The following PPFIA2 variants were observed in gnomAD, a reference collection of about 807,000 sequenced individuals.
PPFIA2 encodes PPFI scaffold protein A2, also known as liprin-alpha-2.
PPFIA2 carries 46 observed loss-of-function variants against 175.5 expected under a neutral mutation model. That is an observed-to-expected ratio of 0.26 (90% CI 0.21 to 0.34). The LOEUF (loss-of-function observed/expected upper bound fraction) is 0.34. Among genes scored for constraint, PPFIA2 ranks in the 10% least tolerant of loss-of-function variants. PPFIA2 has a pLI of 1.00. For missense variants in PPFIA2, 1,179 were observed against 1,506.1 expected, an observed-to-expected ratio of 0.78 and a Z score of 3.60; for synonymous variants, 568 against 511.4, an observed-to-expected ratio of 1.11 and a Z score of -1.49.
At chr12:81,679,736 T>C (rs1353721724) in intron 3 of PPFIA2, among the ~76,000 whole-genome samples, 4 of 151,976 alleles carry the variant, frequency 2.6e-5, no homozygotes, top group African/African-American at 9.7e-5. Flanking sequence ...TGAGTTCATG[T>C]TCTATTTTGA....
At chr12:81,553,190 AG>A (rs1487125146) in intron 4 of PPFIA2, among the ~76,000 whole-genome samples, 7 of 152,054 alleles carry the variant, frequency 4.6e-5, no homozygotes, top group African/African-American at 1.7e-4. Context: ...AAGAATGAAT[AG>A]GATTTAGCCA....
At chr12:81,501,916 T>C (rs1262147924) in intron 4 of PPFIA2, among the ~76,000 whole-genome samples, 2 of 152,136 alleles carry the variant, frequency 1.3e-5, no homozygotes, top group Non-Finnish European at 2.9e-5. Context: ...CTAGGAGATA[T>C]TAATGTGGCT....
At chr12:81,496,501 T>C (rs2060040531) in intron 4 of PPFIA2, among the ~76,000 whole-genome samples, 1 of 152,140 alleles carries the variant, frequency 6.6e-6, no homozygotes, top group African/African-American at 2.4e-5. Context: ...CTGAAGACTT[T>C]AGGAGTGATA....
intron 5 of PPFIA2, among the ~76,000 whole-genome samples, chr12:81,449,206 C>G (rs1480063230): frequency 6.6e-6 from 1 of 152,156 alleles, no homozygotes; most frequent in Non-Finnish European, 1.5e-5. Context: ...ACGATTAAGA[C>G]TGATGGAGAC....
intron 21 of PPFIA2, 106 bp from the exon 22 acceptor site, chr12:81,325,976 T>C (rs2054677000): frequency 1.3e-6 from 1 of 760,468 alleles, no homozygotes; most frequent in Non-Finnish European, 2.2e-6. Context: ...GTATCACATT[T>C]AAAAATTTTC....
intron 5 of PPFIA2, among the ~76,000 whole-genome samples, chr12:81,448,125 G>A (rs1015105190): frequency 6.6e-6 from 1 of 151,872 alleles, no homozygotes; most frequent in Non-Finnish European, 1.5e-5. Flanking sequence ...CCACCCTCTA[G>A]GAAAAGAAAC....
chr12:81,551,544 T>C (rs1168036523), intron 4 of PPFIA2, among the ~76,000 whole-genome samples: 2 of 151,980 alleles, frequency 1.3e-5, no homozygotes, highest in East Asian at 3.9e-4. Flanking sequence ...TTAGATATTA[T>C]AAGCAATCTA....
intron 21 of PPFIA2, among the ~76,000 whole-genome samples, chr12:81,334,973 C>A (rs2056859109): frequency 6.6e-6 from 1 of 152,170 alleles, no homozygotes; most frequent in African/African-American, 2.4e-5. Context: ...ATTGCTTTGA[C>A]AGTACACAGC....
intron 4 of PPFIA2, among the ~76,000 whole-genome samples, chr12:81,533,728 T>TATCTATC (rs1486873253): frequency 1.3e-5 from 1 of 74,394 alleles, no homozygotes; most frequent in East Asian, 3.8e-4. Context: ...TCTATCTATC[T>TATCTATC]ATCTATCTAT....
At chr12:81,509,856 C>A (rs977748953) in intron 4 of PPFIA2, among the ~76,000 whole-genome samples, 1 of 152,246 alleles carries the variant, frequency 6.6e-6, no homozygotes, top group Non-Finnish European at 1.5e-5. Flanking sequence ...GAGAACTCAA[C>A]CTTGCCTTTC....
intron 4 of PPFIA2, among the ~76,000 whole-genome samples, chr12:81,509,661 T>C (rs555317799): frequency 1.3e-5 from 2 of 151,986 alleles, no homozygotes; most frequent in South Asian, 4.2e-4. Flanking sequence ...CTATATAAAG[T>C]CTGTCCCCAT....
At chr12:81,650,358 T>C (rs757141467) in intron 4 of PPFIA2, among the ~76,000 whole-genome samples, 1 of 152,176 alleles carries the variant, frequency 6.6e-6, no homozygotes, top group Non-Finnish European at 1.5e-5. Flanking sequence ...CTATTGTACC[T>C]GAGTAAAAAA....
chr12:81,517,509 G>C (rs1056183066), intron 4 of PPFIA2, among the ~76,000 whole-genome samples: 1 of 152,142 alleles, frequency 6.6e-6, no homozygotes, highest in African/African-American at 2.4e-5. Context: ...ATGCTGCCAA[G>C]AAACACTCCA....
At chr12:81,629,325 G>C (rs1174817380) in intron 4 of PPFIA2, among the ~76,000 whole-genome samples, 1 of 152,058 alleles carries the variant, frequency 6.6e-6, no homozygotes, top group Non-Finnish European at 1.5e-5. Flanking sequence ...AAGCCTTTAA[G>C]ATTAAAAATA....
intron 4 of PPFIA2, among the ~76,000 whole-genome samples, chr12:81,574,306 G>T (rs2073107736): frequency 6.6e-6 from 1 of 151,796 alleles, no homozygotes; most frequent in Non-Finnish European, 1.5e-5. Context: ...AATAGCAAAA[G>T]ATGATCATTT....
At chr12:81,394,619 A>G (rs1336922280) in intron 8 of PPFIA2, among the ~76,000 whole-genome samples, 1 of 152,054 alleles carries the variant, frequency 6.6e-6, no homozygotes, top group Non-Finnish European at 1.5e-5. Context: ...ACACATGGAC[A>G]CAGGGAGGGG....
At chr12:81,558,156 C>T (rs540146287) in intron 4 of PPFIA2, among the ~76,000 whole-genome samples, 39 of 152,230 alleles carry the variant, frequency 2.6e-4, no homozygotes, top group African/African-American at 7.9e-4. Flanking sequence ...CAGGTTGTGG[C>T]TCATTTCTCA....
intron 4 of PPFIA2, among the ~76,000 whole-genome samples, chr12:81,635,524 CA>C (rs1305025748): frequency 6.6e-6 from 1 of 152,272 alleles, no homozygotes; most frequent in East Asian, 1.9e-4. Flanking sequence ...GAAATGACCT[CA>C]CACCTGGGGT....
In PPFIA2 at chr12:81,405,783, A is replaced by T; in HGVS notation, c.762+4T>A. ...CATGTAAGAGCATGTGGGGTGTGTC[A>T]TACCTTCTCATGGACTTTCTGTCCA... On this transcript the variant is annotated splice_donor_region_variant and intron_variant, in intron 8 of 32. Transcript: ENST00000549396. 1 of 1,520,622 alleles carries T rather than the reference A, an allele frequency of 6.6e-7. No individual in the cohort carries two copies. The highest frequency in any genetic ancestry group is 9.0e-7 in the Non-Finnish European group (1 of 1,117,080). The allele number at this position is 1,520,622 out of a possible 1,614,324, so 94.2% of individuals were successfully genotyped here.
Sources: gnomAD v4.1 joint callset for allele counts (sites outside exome capture counted in the v4.1 genomes callset) on GRCh38, gnomAD v4.1.1 for gene constraint, MANE v1.5 for transcripts, NCBI Gene and HGNC (gene_info 2026-07-23, HGNC 2026-07-21) for gene names.